Variants in POLE2 observed in about 807,000 individuals in gnomAD.
POLE2 encodes the protein DNA polymerase epsilon 2, accessory subunit.
In POLE2, 56 loss-of-function variants were observed where a neutral mutation model predicts 79.4. That is an observed-to-expected ratio of 0.71 (90% CI 0.57 to 0.88). POLE2 has a LOEUF of 0.88. Among genes scored for constraint, POLE2 ranks in the 40% least tolerant of loss-of-function variants. The probability of loss-of-function intolerance (pLI) is 0.00; values close to 1 mark genes in which losing one functional copy is unlikely to be tolerated. For synonymous variants in POLE2, 212 were observed against 214.0 expected (o/e 0.99, Z 0.08); for missense variants, 598 against 638.9 (o/e 0.94, Z 0.69).
At chr14:49,682,653 A>AGG (rs1886812468) in intron 2 of POLE2, among the ~76,000 whole-genome samples, 3 of 150,800 alleles carry the variant, frequency 2.0e-5, no homozygotes, top group Admixed American at 6.6e-5. Context: ...AAAAAAAAAA[A>AGG]AAAAAAAAAA....
At chr14:49,658,887 G>C (rs1031916017) in intron 10 of POLE2, among the ~76,000 whole-genome samples, 1 of 152,056 alleles carries the variant, frequency 6.6e-6, no homozygotes, top group Admixed American at 6.6e-5. Flanking sequence ...TTAGAGTGTA[G>C]TCCTTCTACT....
rs190930214 is a variant in POLE2, at chr14:49,672,700, T to C, written c.417+1423A>G. On this transcript the variant is annotated intron_variant, in intron 5 of 18. Transcript: ENST00000216367. The stretch of plus-strand genomic sequence containing the variant: ...TTTTACTAGAGACAGGGTTTCTCCA[T>C]GTTGGTCAGGCTGGTCTCGAAATCC... Among the ~76,000 whole-genome samples the C allele has an allele frequency of 2.0e-4, 30 of 152,246 alleles. 1 individual carries two copies. Among genetic ancestry groups the C allele is most frequent in the Non-Finnish European group, 3.8e-4 (26 of 68,024 alleles).
intron 4 of POLE2, 29 bp from the exon 5 acceptor site, chr14:49,674,245 T>A (rs1886092563): frequency 6.6e-7 from 1 of 1,521,272 alleles, no homozygotes; most frequent in African/African-American, 1.4e-5. Context: ...TATTTTTGAC[T>A]ATCATAATAC....
At chr14:49,677,643 G>C in intron 3 of POLE2, 1 of 692,846 alleles carries the variant, frequency 1.4e-6, no homozygotes, top group Non-Finnish European at 2.4e-6. Flanking sequence ...TCCCTGGGCT[G>C]TGTGATATAT....
intron 13 of POLE2, 58 bp downstream of exon 13, chr14:49,654,726 T>G: frequency 6.8e-7 from 1 of 1,470,800 alleles, no homozygotes; most frequent in Non-Finnish European, 9.0e-7. Context: ...CAAAATTCAT[T>G]TTTTGTTTTT....
At chr14:49,664,274 G>A (rs570871941) in intron 9 of POLE2, among the ~76,000 whole-genome samples, 7 of 150,718 alleles carry the variant, frequency 4.6e-5, no homozygotes, top group African/African-American at 7.3e-5. Context: ...ACTTGAACCC[G>A]GGAGGCGGAG....
At position 49,688,137 on chromosome 14, in the gene POLE2, C is replaced by T; in HGVS notation, c.67G>A (p.Gly23Ser). 6.4e-7 allele frequency: 1 copy of T among 1,556,016 alleles called. No individual in the cohort carries two copies. The highest frequency in any genetic ancestry group is 1.2e-5 in the South Asian group (1 of 85,430). ...TTCAAGCTGCCCGAGCCCACTCACCCACGGAGCAGCAAGCCCCGCAACTTG... is the reference window on the plus strand; with the variant it reads ...TTCAAGCTGCCCGAGCCCACTCACCTACGGAGCAGCAAGCCCCGCAACTTG... Reference protein sequence around the residue: ...AFKLRGLLLRGEAIKYLTEAL... With the variant: ...AFKLRGLLLRSEAIKYLTEAL... Residue 23 changes from glycine to serine, a missense_variant and splice_region_variant, in exon 1 of 19, where the codon GGT becomes AGT. By Grantham distance (56) the Gly-to-Ser change is moderately conservative. Coordinates refer to ENST00000216367, the MANE Select transcript of POLE2 (RefSeq NM_002692.4).
intron 18 of POLE2, among the ~76,000 whole-genome samples, chr14:49,644,637 A>G (rs1943175995): frequency 6.6e-6 from 1 of 152,320 alleles, no homozygotes; most frequent in South Asian, 2.1e-4. Flanking sequence ...AGTAGTAAAT[A>G]CATTATATTT....
chr14:49,683,812 C>G (rs996083027), intron 1 of POLE2, 119 bp from the exon 2 acceptor site: 13 of 577,012 alleles, frequency 2.3e-5, no homozygotes, highest in South Asian at 7.2e-5. Flanking sequence ...ACTAACTGCT[C>G]TCTTCAAGTA....
chr14:49,643,957 G>A (rs1263227376), intron 18 of POLE2, among the ~76,000 whole-genome samples: 2 of 132,090 alleles, frequency 1.5e-5, no homozygotes, highest in South Asian at 2.5e-4. Context: ...TCGGTTCACC[G>A]CAACCTCTGC....
chr14:49,677,815 C>G, intron 3 of POLE2: 1 of 556,670 alleles, frequency 1.8e-6, no homozygotes, highest in Non-Finnish European at 2.9e-6. Flanking sequence ...TGCAGCAGCA[C>G]CCTCACAATG....
chr14:49,674,457 G>C (rs746506030), intron 3 of POLE2, 30 bp from the exon 4 acceptor site: 3 of 1,384,636 alleles, frequency 2.2e-6, no homozygotes, highest in Admixed American at 3.6e-5. Context: ...ATACAGACCT[G>C]ATTTACTAAA....
At chr14:49,677,779 C>T in intron 3 of POLE2, 1 of 935,286 alleles carries the variant, frequency 1.1e-6, no homozygotes, top group South Asian at 2.2e-5. Context: ...TGTGGCAGCT[C>T]CTGGCCTCAA....
intron 2 of POLE2, among the ~76,000 whole-genome samples, chr14:49,682,927 T>A (rs1020752180): frequency 6.6e-6 from 1 of 151,878 alleles, no homozygotes; most frequent in Admixed American, 6.6e-5. Context: ...ATGACTTAAA[T>A]AAGACATGGT....
chr14:49,674,758 G>A (rs1886142179), intron 3 of POLE2, among the ~76,000 whole-genome samples: 1 of 151,934 alleles, frequency 6.6e-6, no homozygotes, highest in South Asian at 2.1e-4. Context: ...TAGAGATGGG[G>A]TTTCTCCGTG....
chr14:49,687,300 CCA>C (rs60811856), intron 1 of POLE2, among the ~76,000 whole-genome samples: 46,174 of 139,530 alleles, frequency 0.33, 7,813 homozygotes, highest in Non-Finnish European at 0.39. Flanking sequence ...TACACACACA[CCA>C]CACACACACA....
intron 18 of POLE2, among the ~76,000 whole-genome samples, chr14:49,643,916 G>A (rs1883574268): frequency 9.0e-6 from 1 of 110,574 alleles, no homozygotes; most frequent in Non-Finnish European, 1.7e-5. Context: ...GTCTCACTCT[G>A]TTGCCCAGGC....
At chr14:49,658,238 G>A (rs945376595) in intron 10 of POLE2, among the ~76,000 whole-genome samples, 2 of 152,088 alleles carry the variant, frequency 1.3e-5, no homozygotes, top group Non-Finnish European at 2.9e-5. Context: ...CACCACGCCC[G>A]GCTAATTTTT....
intron 1 of POLE2, among the ~76,000 whole-genome samples, chr14:49,684,008 T>C (rs45484999): frequency 6.6e-6 from 1 of 152,220 alleles, no homozygotes; most frequent in Non-Finnish European, 1.5e-5. Flanking sequence ...TATATTACAT[T>C]AGCCTTTTAT....
Sources: gnomAD v4.1 joint callset for allele counts (sites outside exome capture counted in the v4.1 genomes callset) on GRCh38, gnomAD v4.1.1 for gene constraint, MANE v1.5 for transcripts, NCBI Gene and HGNC (gene_info 2026-07-23, HGNC 2026-07-21) for gene names.